Variants in CYP4F8 observed in about 807,000 individuals in gnomAD.
The protein encoded by CYP4F8 is cytochrome P450 family 4 subfamily F member 8.
A neutral mutation model predicts 55.0 loss-of-function variants in CYP4F8; 56 were observed. The observed-to-expected ratio is 1.02, with a 90% confidence interval of 0.82 to 1.27. CYP4F8 has a LOEUF of 1.27. CYP4F8 is among the 50% of genes most tolerant of loss of function. CYP4F8 has a pLI of 0.00. For synonymous variants in CYP4F8, 288 were observed against 267.3 expected, an observed-to-expected ratio of 1.08 and a Z score of -0.76; for missense variants, 680 against 682.4, an observed-to-expected ratio of 1.00 and a Z score of 0.04.
chr19:15,622,429 T>C, intron 6 of CYP4F8, 89 bp downstream of exon 6: 1 of 1,545,776 alleles, frequency 6.5e-7, no homozygotes. Flanking sequence ...AGAAGAGCCT[T>C]CCTGGAGAGA....
At chr19:15,627,108 T>G (rs1221314450) in intron 9 of CYP4F8, 1 of 152,210 alleles carries the variant, frequency 6.6e-6, no homozygotes, top group Admixed American at 6.5e-5. Flanking sequence ...TTATTTTTAT[T>G]AGTATGCATT....
intron 9 of CYP4F8, 55 bp from the exon 10 acceptor site, chr19:15,628,247 G>A: frequency 6.2e-7 from 1 of 1,611,040 alleles, no homozygotes; most frequent in Non-Finnish European, 8.5e-7. Context: ...AGGGTCTCCA[G>A]GGGCAGCAGG....
At position 15,630,583 on chromosome 19, in the gene CYP4F8, T is replaced by G. The variant is rs4318325; in HGVS notation, c.*1225T>G. On this transcript the variant is annotated 3_prime_UTR_variant, in exon 13 of 13. Coordinates refer to ENST00000612078, the MANE Select transcript of CYP4F8 (RefSeq NM_007253.4). Reference sequence around the variant, plus strand: ...CTCCACCATTGATGGGCACCTGTGTTGATTCAGCATCTTCGCTATTGTGAT... The same window carrying G: ...CTCCACCATTGATGGGCACCTGTGTGGATTCAGCATCTTCGCTATTGTGAT... 231 of 151,638 alleles carry G rather than the reference T, an allele frequency of 1.5e-3. No homozygotes were observed. Among genetic ancestry groups the G allele is most frequent in the African/African-American group, 5.2e-3 (216 of 41,342 alleles). The allele number at this position is 151,638 out of a possible 1,614,324, so 9.4% of individuals were successfully genotyped here.
chr19:15,628,638 G>A, intron 11 of CYP4F8, 43 bp downstream of exon 11: 1 of 1,609,586 alleles, frequency 6.2e-7, no homozygotes, highest in Non-Finnish European at 8.5e-7. Flanking sequence ...GCCTGGTCGG[G>A]GGAGGGGTCT....
intron 2 of CYP4F8, among the ~76,000 whole-genome samples, chr19:15,616,263 T>TTCCTCTCCTCGCTCACTCAG (rs1972120547): frequency 6.6e-6 from 1 of 151,150 alleles, no homozygotes; most frequent in Non-Finnish European, 1.5e-5. Flanking sequence ...CGCTCACTCA[T>TTCCTCTCCTCGCTCACTCAG]TCCTCTCCTC....
intron 5 of CYP4F8, 25 bp from the exon 6 acceptor site, chr19:15,622,194 C>T (rs1454063973): frequency 1.9e-6 from 3 of 1,607,774 alleles, no homozygotes; most frequent in Non-Finnish European, 2.5e-6. Flanking sequence ...GGCCTGGCCC[C>T]AGCCCTGCTC....
chr19:15,619,461 T>C (rs962703804), intron 3 of CYP4F8, 29 bp from the exon 4 acceptor site: 6 of 1,613,784 alleles, frequency 3.7e-6, no homozygotes, highest in African/African-American at 1.3e-5. Flanking sequence ...TTCCTCTCCA[T>C]GGACCCTGAT....
intron 5 of CYP4F8, among the ~76,000 whole-genome samples, chr19:15,620,318 T>C (rs2283603): frequency 0.9 from 137,610 of 152,076 alleles, 62,314 homozygotes; most frequent in Admixed American, 0.95. Flanking sequence ...TGCCTCTAGA[T>C]GACACCCCAG....
intron 2 of CYP4F8, among the ~76,000 whole-genome samples, chr19:15,617,531 TATCA>T (rs1246704517): frequency 4.0e-5 from 6 of 148,530 alleles, no homozygotes; most frequent in African/African-American, 1.2e-4. Flanking sequence ...TCTATCTATC[TATCA>T]GTCCGTCTGT....
chr19:15,626,638 T>TATCTATCTATC (rs1555738332), intron 9 of CYP4F8, among the ~76,000 whole-genome samples: 13 of 151,992 alleles, frequency 8.6e-5, no homozygotes, highest in Non-Finnish European at 1.8e-4. Flanking sequence ...TCTATCTATC[T>TATCTATCTATC]ATCTATCTTA....
rs777172778 is a variant in CYP4F8 at position 15,623,946 on chromosome 19, C to T, written c.986-19C>T. The T allele has an allele frequency of 5.6e-6, 9 of 1,613,214 alleles. No homozygotes were observed. In the Admixed American group the frequency reaches 1.0e-4, roughly 18 times the overall value. On this transcript the variant is annotated intron_variant, in intron 8 of 12. Transcript: ENST00000612078. Reference sequence around the variant, plus strand: ...GCTGAAGCAGCCCAGAGACTCAAGCCTGCCTGGCTGACCCTCAGGCCATGA... The same window carrying T: ...GCTGAAGCAGCCCAGAGACTCAAGCTTGCCTGGCTGACCCTCAGGCCATGA...
rs1172526296 is a variant in CYP4F8 at position 15,623,710 on chromosome 19, TAA to T, written c.932_933del (p.Lys311ArgfsTer5). On this transcript the variant is annotated frameshift_variant, in exon 8 of 13. Transcript: ENST00000612078. LOFTEE classifies it high-confidence loss of function. ...GTTCTTGTCTCCAGGATAAAAATGG[TAA>T]AGAGTTGTCAGATGAGGACATAAGA... ...VLLLSEDKNGKELSDEDIRAE... is the reference protein window; with the variant it reads ...VLLLSEDKNGXELSDEDIRAE... 5 of 1,613,978 alleles carry T rather than the reference TAA, an allele frequency of 3.1e-6. No homozygotes were observed. Among genetic ancestry groups the T allele is most frequent in the African/African-American group, 2.7e-5 (2 of 74,888 alleles).
chr19:15,621,168 G>A (rs1008770883), intron 5 of CYP4F8, among the ~76,000 whole-genome samples: 12 of 152,160 alleles, frequency 7.9e-5, no homozygotes, highest in African/African-American at 2.4e-4. Context: ...TAAGCCTAAC[G>A]TGTGTCCCAG....
intron 2 of CYP4F8, among the ~76,000 whole-genome samples, chr19:15,616,355 TCTC>T (rs1972122399): frequency 3.9e-5 from 6 of 152,070 alleles, no homozygotes. Flanking sequence ...GCCTTTCTCA[TCTC>T]CTTGTCTAGG....
intron 8 of CYP4F8, 91 bp from the exon 9 acceptor site, chr19:15,623,874 A>C (rs528238062): frequency 6.3e-7 from 1 of 1,595,656 alleles, no homozygotes; most frequent in East Asian, 2.2e-5. Context: ...CCCTCCCCTC[A>C]ACCTTCCTGA....
At chr19:15,628,692 T>C in intron 11 of CYP4F8, 69 bp from the exon 12 acceptor site, 1 of 1,603,974 alleles carries the variant, frequency 6.2e-7, no homozygotes, top group Non-Finnish European at 8.5e-7. Context: ...CACCCACATC[T>C]GTTTTATGTG....
chr19:15,625,727 T>C (rs964136430), intron 9 of CYP4F8, among the ~76,000 whole-genome samples: 5 of 152,150 alleles, frequency 3.3e-5, no homozygotes, highest in African/African-American at 1.2e-4. Flanking sequence ...ATTAATAAAT[T>C]TTTTGGACCT....
chr19:15,629,100 G>C, intron 12 of CYP4F8, 93 bp from the exon 13 acceptor site: 1 of 1,469,630 alleles, frequency 6.8e-7, no homozygotes, highest in African/African-American at 1.4e-5. Flanking sequence ...AAGGTGATCT[G>C]GGTGGGGTTG....
At position 15,629,698 on chromosome 19, in the gene CYP4F8, T is replaced by G. The variant is rs1972311966; in HGVS notation, c.*340T>G. 1 of 230,742 alleles carries G rather than the reference T, an allele frequency of 4.3e-6. No homozygotes were observed. 14.3% of individuals were successfully genotyped at this position (230,742 alleles called of 1,614,324 possible). On this transcript the variant is annotated 3_prime_UTR_variant, in exon 13 of 13. Transcript: ENST00000612078. ...TTAGAATCCCTGTTTTTTAGCTAGG[T>G]GCATAGCAGCCTGAAATACAGATCA...
Sources: gnomAD v4.1 joint callset for allele counts (sites outside exome capture counted in the v4.1 genomes callset) on GRCh38, gnomAD v4.1.1 for gene constraint, MANE v1.5 for transcripts, NCBI Gene and HGNC (gene_info 2026-07-23, HGNC 2026-07-21) for gene names.